Variants in VAPB observed in about 807,000 individuals in gnomAD.
The protein encoded by VAPB is VAMP associated protein B and C.
In VAPB, 7 loss-of-function variants were observed where a neutral mutation model predicts 25.6. The observed-to-expected ratio is 0.27, with a 90% CI of 0.16 to 0.51. The LOEUF (loss-of-function observed/expected upper bound fraction) is 0.51, where lower values mean the gene tolerates loss of function less well. VAPB is among the 20% of genes least tolerant of loss of function. The probability of loss-of-function intolerance (pLI) is 0.97; values close to 1 mark genes in which losing one functional copy is unlikely to be tolerated. For synonymous variants in VAPB, 112 were observed against 109.2 expected, an observed-to-expected ratio of 1.03 and a Z score of -0.16; for missense variants, 266 against 301.3, an observed-to-expected ratio of 0.88 and a Z score of 0.87.
In VAPB at chr20:58,446,098, C is replaced by T; in HGVS notation, c.*1863C>T. On this transcript the variant is annotated 3_prime_UTR_variant, in exon 6 of 6. Transcript: ENST00000475243. ...AAAAGTTGACTTTGAATCCCAGGTA[C>T]TCACAGAAATGGTGAACAGACTTAG... The T allele has an allele frequency of 2.2e-6, 1 of 454,072 alleles. No individual in the cohort carries two copies. Among genetic ancestry groups the T allele is most frequent in the Non-Finnish European group, 4.4e-6 (1 of 226,798 alleles). 28.1% of individuals were successfully genotyped at this position (454,072 alleles called of 1,614,324 possible).
chr20:58,434,831 A>G (rs1989005366), intron 3 of VAPB, 126 bp downstream of exon 3: 4 of 661,638 alleles, frequency 6.0e-6, no homozygotes, highest in Non-Finnish European at 1.1e-5. Flanking sequence ...GTTTTTTTTC[A>G]AGGAGGTTTG....
intron 3 of VAPB, among the ~76,000 whole-genome samples, chr20:58,438,628 A>G (rs1989096453): frequency 6.6e-6 from 1 of 152,226 alleles, no homozygotes; most frequent in Admixed American, 6.5e-5. Context: ...CTGGTCATCC[A>G]GACATTGTTT....
chr20:58,423,425 A>AAAAAAG, intron 2 of VAPB, among the ~76,000 whole-genome samples: 2 of 142,042 alleles, frequency 1.4e-5, no homozygotes, highest in African/African-American at 2.8e-5. Flanking sequence ...AAAAAAAAAA[A>AAAAAAG]AAAAAAAAAA....
rs1989411920 is a variant in VAPB at position 58,450,279 on chromosome 20, T to G, written c.*6044T>G. ...GGTCAGAATTTATTGTCTGTGATAT[T>G]GAGACCATGTGTACAAGAACTACTT... On this transcript the variant is annotated 3_prime_UTR_variant, in exon 6 of 6. Coordinates refer to ENST00000475243, the MANE Select transcript of VAPB (RefSeq NM_004738.5). The G allele has an allele frequency of 4.4e-6, 2 of 453,518 alleles. No individual in the cohort carries two copies. Among genetic ancestry groups the G allele is most frequent in the Middle Eastern group, 6.9e-4 (1 of 1,444 alleles). 28.1% of individuals were successfully genotyped at this position (453,518 alleles called of 1,614,324 possible). A position where few individuals can be genotyped will look rare whatever the true frequency, so the allele number is the denominator to read the frequency against.
intron 2 of VAPB, among the ~76,000 whole-genome samples, chr20:58,421,355 T>C (rs1253737028): frequency 6.6e-6 from 1 of 152,248 alleles, no homozygotes; most frequent in Admixed American, 6.5e-5. Context: ...GATTGCATAA[T>C]ACTTGAATTG....
chr20:58,440,594 C>T (rs992508306), intron 4 of VAPB: 2 of 317,130 alleles, frequency 6.3e-6, no homozygotes, highest in East Asian at 1.7e-4. Flanking sequence ...TGAGCTTGCA[C>T]AATTACAGTA....
intron 3 of VAPB, among the ~76,000 whole-genome samples, chr20:58,436,812 C>T (rs1419400872): frequency 6.6e-6 from 1 of 152,058 alleles, no homozygotes; most frequent in African/African-American, 2.4e-5. Flanking sequence ...CACTTCACCC[C>T]TAAATGCTTC....
chr20:58,390,680 C>T (rs4810130), intron 1 of VAPB, among the ~76,000 whole-genome samples: 15,498 of 152,156 alleles, frequency 0.1, 962 homozygotes, highest in East Asian at 0.26. Context: ...TAGCACCGGA[C>T]TCACAGTAGA....
At chr20:58,438,481 G>T (rs575750486) in intron 3 of VAPB, among the ~76,000 whole-genome samples, 2 of 152,062 alleles carry the variant, frequency 1.3e-5, no homozygotes, top group South Asian at 4.1e-4. Context: ...GTCTCCTTAC[G>T]TTGTGCAGAC....
At chr20:58,393,649 C>T (rs943050787) in intron 1 of VAPB, among the ~76,000 whole-genome samples, 2 of 152,206 alleles carry the variant, frequency 1.3e-5, no homozygotes, top group Non-Finnish European at 2.9e-5. Flanking sequence ...CTAGCCCATT[C>T]CCCCAGCAAT....
chr20:58,428,976 G>A (rs1280647863), intron 2 of VAPB, among the ~76,000 whole-genome samples: 2 of 152,200 alleles, frequency 1.3e-5, no homozygotes, highest in East Asian at 3.9e-4. Context: ...GCCAAGGAGA[G>A]CTGGTGATGA....
chr20:58,392,407 C>T (rs1987828154), intron 1 of VAPB, among the ~76,000 whole-genome samples: 1 of 152,162 alleles, frequency 6.6e-6, no homozygotes, highest in South Asian at 2.1e-4. Context: ...GGGAAGTGGT[C>T]CAAGAGAAGT....
chr20:58,444,930 AT>A lies in VAPB; in HGVS notation c.*696del. 1 of 454,584 alleles carries A rather than the reference AT, an allele frequency of 2.2e-6. No homozygotes were observed. The highest frequency in any genetic ancestry group is 4.4e-6 in the Non-Finnish European group (1 of 226,796). The allele number at this position is 454,584 out of a possible 1,614,324, so 28.2% of individuals were successfully genotyped here. A position where few individuals can be genotyped will look rare whatever the true frequency, so the allele number is the denominator to read the frequency against. ...AGTGAAGTCAAACTGTTATTCAGAG[AT>A]GTTTAATGCATATTTAACTTATTTA... On this transcript the variant is annotated 3_prime_UTR_variant, in exon 6 of 6. Coordinates refer to ENST00000475243, the MANE Select transcript of VAPB (RefSeq NM_004738.5).
intron 2 of VAPB, among the ~76,000 whole-genome samples, chr20:58,421,583 A>G (rs1489676552): frequency 2.6e-5 from 4 of 152,214 alleles, no homozygotes; most frequent in Non-Finnish European, 4.4e-5. Flanking sequence ...GTGTCACTAC[A>G]TACCTGAGAA....
chr20:58,412,576 CAAA>C (rs375713162), intron 1 of VAPB, among the ~76,000 whole-genome samples: 1 of 90,784 alleles, frequency 1.1e-5, no homozygotes, highest in Non-Finnish European at 2.1e-5. Flanking sequence ...GACTCTGTCT[CAAA>C]AAAAAAAAAA....
chr20:58,440,814 G>T (rs991956338), intron 4 of VAPB, 93 bp from the exon 5 acceptor site: 1 of 1,165,554 alleles, frequency 8.6e-7, no homozygotes, highest in Non-Finnish European at 1.2e-6. Context: ...ATGCTACCAC[G>T]TTTGGTGTTT....
intron 2 of VAPB, among the ~76,000 whole-genome samples, chr20:58,431,772 G>A (rs1020587884): frequency 4.0e-5 from 6 of 151,854 alleles, no homozygotes; most frequent in Admixed American, 3.3e-4. Flanking sequence ...TTGCTTTGTC[G>A]CCCAGGTTGG....
At chr20:58,424,934 G>T (rs2123070203) in intron 2 of VAPB, among the ~76,000 whole-genome samples, 1 of 152,286 alleles carries the variant, frequency 6.6e-6, no homozygotes, top group Non-Finnish European at 1.5e-5. Context: ...TCCATCCATG[G>T]GCCCCTGAAT....
chr20:58,443,946 T>C (rs1600821377), intron 5 of VAPB, 131 bp from the exon 6 acceptor site: 1 of 1,335,292 alleles, frequency 7.5e-7, no homozygotes, highest in East Asian at 2.4e-5. Flanking sequence ...GTTTCTCCGT[T>C]TGCAAAATGC....
Sources: gnomAD v4.1 joint callset for allele counts (sites outside exome capture counted in the v4.1 genomes callset) on GRCh38, gnomAD v4.1.1 for gene constraint, MANE v1.5 for transcripts, NCBI Gene and HGNC (gene_info 2026-07-23, HGNC 2026-07-21) for gene names.